Variants in TRAF3 observed in about 807,000 individuals in gnomAD.
The protein encoded by TRAF3 is TNF receptor-associated factor 3.
Under a neutral mutation model 62.3 loss-of-function variants are expected in TRAF3, and 13 were observed. The observed-to-expected ratio is 0.21, with a 90% CI of 0.14 to 0.33. The LOEUF is 0.33. TRAF3 is among the 10% of genes least tolerant of loss of function. TRAF3 has a pLI of 1.00. For synonymous variants in TRAF3, 269 were observed against 283.4 expected (o/e 0.95, Z 0.51); for missense variants, 440 against 741.8 (o/e 0.59, Z 4.73).
In TRAF3 at chr14:102,782,642, A is replaced by G. The variant is rs77676265; in HGVS notation, c.-157+4967A>G. Among the ~76,000 whole-genome samples, 1,357 of 152,088 alleles carry G rather than the reference A, an allele frequency of 8.9e-3. 10 individuals are homozygous for G. The highest frequency in any genetic ancestry group is 0.015 in the Non-Finnish European group (1,012 of 67,994). ...CAAGAACTGAAAAATTGGGGGCCCT[A>G]CATTTCATTTCACAATTTACTTTTT... On this transcript the variant is annotated intron_variant, in intron 1 of 11. Transcript: ENST00000392745.
intron 10 of TRAF3, among the ~76,000 whole-genome samples, chr14:102,898,508 C>T (rs536340322): frequency 1.5e-4 from 23 of 152,320 alleles, no homozygotes; most frequent in Non-Finnish European, 2.2e-4. Flanking sequence ...TCCTGTGGCC[C>T]GCCTGCACCT....
chr14:102,853,834 G>T (rs1233795809), intron 2 of TRAF3, among the ~76,000 whole-genome samples: 1 of 116,786 alleles, frequency 8.6e-6, no homozygotes. Flanking sequence ...GCAAGACTCC[G>T]TCTAAAAAAA....
At chr14:102,804,533 G>T (rs1898652037) in intron 1 of TRAF3, among the ~76,000 whole-genome samples, 1 of 152,098 alleles carries the variant, frequency 6.6e-6, no homozygotes, top group African/African-American at 2.4e-5. Flanking sequence ...TGTTGCCCAG[G>T]CTGGAATGTA....
chr14:102,811,550 G>GTTTTTTTTTTTTTTTTTTTTTTT (rs35064640), intron 1 of TRAF3, among the ~76,000 whole-genome samples: 2 of 79,504 alleles, frequency 2.5e-5, no homozygotes, highest in Non-Finnish European at 4.6e-5. Flanking sequence ...GCTGTAGGCG[G>GTTTTTTTTTTTTTTTTTTTTTTT]TTTTTTTTTT....
chr14:102,850,914 T>C (rs1384172694), intron 2 of TRAF3, among the ~76,000 whole-genome samples: 1 of 152,182 alleles, frequency 6.6e-6, no homozygotes, highest in African/African-American at 2.4e-5. Flanking sequence ...AGCAAACATC[T>C]TCTCAAACCT....
rs1046145641 is a variant in TRAF3, at chr14:102,907,109, C to A, written c.*1325C>A. 1.3e-5 allele frequency: 2 copies of A among 152,246 alleles called. No homozygotes were observed. The highest frequency in any genetic ancestry group is 6.5e-5 in the Admixed American group (1 of 15,290). 9.4% of individuals were successfully genotyped at this position (152,246 alleles called of 1,614,324 possible). A position where few individuals can be genotyped will look rare whatever the true frequency, so the allele number is the denominator to read the frequency against. On this transcript the variant is annotated 3_prime_UTR_variant, in exon 12 of 12. Transcript: ENST00000392745. ...TGCTTAATTACCACAGATTCCAAAT[C>A]TCTAGGCCCCACGAGTGAGCCGCCT...
At chr14:102,841,636 C>G (rs931225948) in intron 2 of TRAF3, among the ~76,000 whole-genome samples, 2 of 152,064 alleles carry the variant, frequency 1.3e-5, no homozygotes, top group African/African-American at 4.8e-5. Context: ...AGAACCAAAG[C>G]CCCGACTATA....
intron 5 of TRAF3, 129 bp downstream of exon 5, chr14:102,875,857 C>A: frequency 1.3e-6 from 1 of 799,060 alleles, no homozygotes; most frequent in African/African-American, 1.7e-5. Flanking sequence ...AAAACACAGC[C>A]AAATAGGAAA....
chr14:102,858,166 TTTC>T (rs1456787492), intron 2 of TRAF3, among the ~76,000 whole-genome samples: 1 of 152,120 alleles, frequency 6.6e-6, no homozygotes, highest in African/African-American at 2.4e-5. Flanking sequence ...TTTTTTTTTT[TTTC>T]TTGAGACAGT....
intron 1 of TRAF3, among the ~76,000 whole-genome samples, chr14:102,819,424 GTCTTGCTTTCAT>G (rs1186324746): frequency 6.6e-6 from 1 of 152,242 alleles, no homozygotes; most frequent in Non-Finnish European, 1.5e-5. Flanking sequence ...AGGCACGGCA[GTCTTGCTTTCAT>G]TCTTGCTTTC....
intron 2 of TRAF3, among the ~76,000 whole-genome samples, chr14:102,869,558 G>A (rs1888205353): frequency 6.6e-6 from 1 of 152,046 alleles, no homozygotes; most frequent in African/African-American, 2.4e-5. Flanking sequence ...TGTAATCCCA[G>A]CACTTTGGGA....
rs775552120 is a variant in TRAF3, at chr14:102,886,297, T to C, written c.651+28T>C. ...AGGGGCGGCCGGGCCCGGCCGGGAG[T>C]CTGTGGAGTCCTCAGGGCTGCGTGC... On this transcript the variant is annotated intron_variant, in intron 7 of 11. Coordinates refer to ENST00000392745, the MANE Select transcript of TRAF3 (RefSeq NM_145725.3). 11 of 1,589,586 alleles carry C rather than the reference T, an allele frequency of 6.9e-6. No individual in the cohort carries two copies. In the South Asian group the frequency reaches 1.1e-4, roughly 16 times the overall value.
At chr14:102,837,157 G>A (rs557206346) in intron 2 of TRAF3, among the ~76,000 whole-genome samples, 1 of 150,816 alleles carries the variant, frequency 6.6e-6, no homozygotes. Context: ...TTTTGGGGGG[G>A]GGTGAAGGTC....
At position 102,889,564 on chromosome 14, in the gene TRAF3, G is replaced by A. The variant is rs1787948981; in HGVS notation, c.656G>A (p.Ser219Asn). 1.2e-6 allele frequency: 2 copies of A among 1,614,076 alleles called. No homozygotes were observed. Among genetic ancestry groups the A allele is most frequent in the African/African-American group, 2.7e-5 (2 of 74,916 alleles). ...SVQTLLRSEL[S>N]AHLSECVNAP... ...CACGTCTCTTTCCCGTTGCAGTTGA[G>A]TGCACACTTGTCAGAGTGTGTCAAT... Residue 219 changes from serine (S) to asparagine (N), a missense_variant, in exon 8 of 12, where the codon AGT becomes AAT. Physicochemically the swap from Ser to Asn is conservative, Grantham distance 46. This residue lies in a region of TRAF3 where 255 missense variants were observed against 424.1 expected (regional missense o/e 0.60). Coordinates refer to ENST00000392745, the MANE Select transcript of TRAF3 (RefSeq NM_145725.3).
At chr14:102,901,235 A>G (rs1029165851) in intron 10 of TRAF3, among the ~76,000 whole-genome samples, 3 of 152,068 alleles carry the variant, frequency 2.0e-5, no homozygotes, top group Non-Finnish European at 4.4e-5. Context: ...GCGTAGCACA[A>G]TCGCGGGGAG....
chr14:102,855,598 C>T (rs899680617), intron 2 of TRAF3, among the ~76,000 whole-genome samples: 2 of 151,848 alleles, frequency 1.3e-5, no homozygotes, highest in Admixed American at 1.3e-4. Context: ...GAGTTTGAGA[C>T]CACCCTGGGC....
At position 102,909,878 on chromosome 14, in the gene TRAF3, T is replaced by G. The variant is rs1396591658; in HGVS notation, c.*4094T>G. 1 of 152,242 alleles carries G rather than the reference T, an allele frequency of 6.6e-6. No homozygotes were observed. The highest frequency in any genetic ancestry group is 2.4e-5 in the African/African-American group (1 of 41,448). 9.4% of individuals were successfully genotyped at this position (152,242 alleles called of 1,614,324 possible). On this transcript the variant is annotated 3_prime_UTR_variant, in exon 12 of 12. Coordinates refer to ENST00000392745, the MANE Select transcript of TRAF3 (RefSeq NM_145725.3). Reference sequence around the variant, plus strand: ...TGGCGTCTGGTGGTAGTCAGCATGGTGGACCCACATCCTACAGCCAGAGGT... The same window carrying G: ...TGGCGTCTGGTGGTAGTCAGCATGGGGGACCCACATCCTACAGCCAGAGGT...
intron 10 of TRAF3, among the ~76,000 whole-genome samples, chr14:102,898,414 G>A (rs888545125): frequency 6.6e-6 from 1 of 152,232 alleles, no homozygotes; most frequent in Non-Finnish European, 1.5e-5. Flanking sequence ...GAAGCCCCTA[G>A]CATTTTGCTG....
chr14:102,886,991 A>G (rs1889430320), intron 7 of TRAF3, among the ~76,000 whole-genome samples: 1 of 152,218 alleles, frequency 6.6e-6, no homozygotes, highest in Non-Finnish European at 1.5e-5. Context: ...CAGCTCCCAC[A>G]TTTTAGGGCT....
Sources: gnomAD v4.1 joint callset for allele counts (sites outside exome capture counted in the v4.1 genomes callset) on GRCh38, gnomAD v4.1.1 for gene constraint, gnomAD v4.1.1 regional missense constraint, MANE v1.5 for transcripts, NCBI Gene and HGNC (gene_info 2026-07-23, HGNC 2026-07-21) for gene names.